Variants in RNF38 observed in about 807,000 individuals in gnomAD.
The protein encoded by RNF38 is ring finger protein 38.
Under a neutral mutation model 67.2 loss-of-function variants are expected in RNF38, and 15 were observed. That is an observed-to-expected ratio of 0.22 (90% confidence interval 0.15 to 0.34). The LOEUF (loss-of-function observed/expected upper bound fraction) is 0.34. Ranked by LOEUF, RNF38 falls within the 10% of genes least tolerant of loss-of-function variation. The pLI is 1.00. For synonymous variants in RNF38, 220 were observed against 218.8 expected (o/e 1.01, Z -0.05); for missense variants, 524 against 639.9 (o/e 0.82, Z 1.95).
Position 36,377,224 on chromosome 9 carries a change from T to C in RNF38, c.163-1097A>G, listed in dbSNP as rs557584219. Among the ~76,000 whole-genome samples the C allele has an allele frequency of 2.8e-3, 420 of 152,344 alleles. 2 individuals carry two copies. Among genetic ancestry groups the C allele is most frequent in the Admixed American group, 4.8e-3 (74 of 15,298 alleles). On this transcript the variant is annotated intron_variant, in intron 2 of 11. Transcript: ENST00000259605. ...TTTGATAAGGCTGTGTGTTTTCTAA[T>C]AGAACGTCTATCTCCAATCTATTAC...
intron 8 of RNF38, among the ~76,000 whole-genome samples, chr9:36,351,901 A>G (rs1181707279): frequency 6.6e-6 from 1 of 152,166 alleles, no homozygotes; most frequent in Non-Finnish European, 1.5e-5. Flanking sequence ...CTGAGAGGCC[A>G]CCTTAGATCT....
At chr9:36,376,577 A>G (rs1162001377) in intron 2 of RNF38, among the ~76,000 whole-genome samples, 6 of 152,076 alleles carry the variant, frequency 3.9e-5, no homozygotes, top group Admixed American at 6.6e-5. Context: ...ATTCTAAATC[A>G]CACTCCTCTC....
intron 2 of RNF38, among the ~76,000 whole-genome samples, chr9:36,409,216 G>A (rs1838256447): frequency 6.7e-6 from 1 of 148,888 alleles, no homozygotes; most frequent in South Asian, 2.1e-4. Context: ...AAGGGAGGGA[G>A]GGAAGGAGGG....
chr9:36,342,276 T>C, intron 11 of RNF38, 49 bp downstream of exon 11: 1 of 1,330,352 alleles, frequency 7.5e-7, no homozygotes, highest in South Asian at 1.2e-5. Flanking sequence ...CCATGGTCAA[T>C]AAAATAGAAA....
chr9:36,353,191 A>T lies in RNF38; in HGVS notation c.1050T>A (p.His350Gln). The part of the protein sequence containing the change: ...PLQFLTHDPL[H>Q]QEVSFGVPYP... ...TTACTACTCCAAAGGACACCTCCTG[A>T]TGCAAAGGATCATGTGTTAAGAACT... Residue 350 changes from histidine (H) to glutamine (Q), a missense_variant, in exon 7 of 12, where the codon CAT becomes CAA. By Grantham distance (24) the His-to-Gln change is conservative. Around this residue, in one of 2 missense-constraint regions of RNF38, gnomAD observed 461 missense variants for 517.4 expected, o/e 0.89. Coordinates refer to ENST00000259605, the MANE Select transcript of RNF38 (RefSeq NM_022781.5). The T allele has an allele frequency of 6.2e-7, 1 of 1,614,112 alleles. No homozygotes were observed. Among genetic ancestry groups the T allele is most frequent in the South Asian group, 1.1e-5 (1 of 91,084 alleles).
intron 1 of RNF38, among the ~76,000 whole-genome samples, chr9:36,443,195 T>C (rs1335001209): frequency 3.9e-5 from 6 of 152,212 alleles, no homozygotes; most frequent in African/African-American, 1.4e-4. Flanking sequence ...AGTGAAATAT[T>C]AAATGGATTG....
chr9:36,367,515 GTTA>G (rs1835069271), intron 4 of RNF38, among the ~76,000 whole-genome samples: 1 of 151,950 alleles, frequency 6.6e-6, no homozygotes, highest in Non-Finnish European at 1.5e-5. Flanking sequence ...TCAATATTAT[GTTA>G]TTCTTTTAAT....
chr9:36,414,367 T>C (rs560182029), intron 2 of RNF38, among the ~76,000 whole-genome samples: 331 of 152,332 alleles, frequency 2.2e-3, no homozygotes, highest in African/African-American at 7.7e-3. Context: ...AAGGAGGTTC[T>C]ATTTTGGTGT....
intron 2 of RNF38, among the ~76,000 whole-genome samples, chr9:36,388,986 G>GT (rs1013882013): frequency 6.6e-5 from 10 of 151,984 alleles, no homozygotes. Context: ...CTAGCTGAAG[G>GT]TATCAGTATC....
chr9:36,409,697 C>A (rs905827008), intron 2 of RNF38, among the ~76,000 whole-genome samples: 1 of 152,192 alleles, frequency 6.6e-6, no homozygotes, highest in African/African-American at 2.4e-5. Context: ...AGTGTTTCCA[C>A]TGATGATAGT....
chr9:36,375,803 T>C, intron 3 of RNF38, 131 bp downstream of exon 3: 1 of 764,412 alleles, frequency 1.3e-6, no homozygotes, highest in Non-Finnish European at 2.0e-6. Context: ...TTCTTTTTCG[T>C]GAGTGAATGT....
chr9:36,371,934 CTTT>C (rs1292005987), intron 3 of RNF38, among the ~76,000 whole-genome samples: 2 of 140,738 alleles, frequency 1.4e-5, no homozygotes, highest in Non-Finnish European at 3.1e-5. Context: ...TTTTTCTTTT[CTTT>C]TTTTTTTTTT....
chr9:36,484,855 T>C (rs928068281), intron 1 of RNF38, among the ~76,000 whole-genome samples: 2 of 152,334 alleles, frequency 1.3e-5, no homozygotes, highest in South Asian at 2.1e-4. Flanking sequence ...AATATTCAAC[T>C]GTATGGGTCT....
intron 2 of RNF38, among the ~76,000 whole-genome samples, chr9:36,380,300 A>G (rs944603667): frequency 4.6e-5 from 7 of 152,142 alleles, no homozygotes; most frequent in African/African-American, 1.7e-4. Context: ...CCTGGGTTCA[A>G]GCGATTCTCC....
intron 9 of RNF38, among the ~76,000 whole-genome samples, chr9:36,348,195 G>A (rs1177656289): frequency 1.3e-5 from 2 of 151,896 alleles, no homozygotes; most frequent in Non-Finnish European, 2.9e-5. Flanking sequence ...AAAGGCAAAG[G>A]CAAAGTTCGA....
chr9:36,463,776 C>A (rs1208967429), intron 1 of RNF38, among the ~76,000 whole-genome samples: 1 of 152,158 alleles, frequency 6.6e-6, no homozygotes, highest in Non-Finnish European at 1.5e-5. Context: ...TTTCCCTAAT[C>A]ATCTCTCTAA....
intron 3 of RNF38, among the ~76,000 whole-genome samples, chr9:36,373,823 G>C (rs1028001312): frequency 4.0e-5 from 6 of 151,562 alleles, no homozygotes; most frequent in Non-Finnish European, 7.4e-5. Context: ...TTTCGCTTTT[G>C]TTGCCTAGGC....
upstream of RNF38, among the ~76,000 whole-genome samples, chr9:36,405,138 G>A (rs1450231725): frequency 1.3e-5 from 2 of 152,170 alleles, no homozygotes; most frequent in Admixed American, 6.5e-5. Flanking sequence ...ATGGTGGCAC[G>A]TGGCTGTACT....
In RNF38 at chr9:36,338,693, T is replaced by C. The variant is rs1228631686; in HGVS notation, c.*1059A>G. On this transcript the variant is annotated 3_prime_UTR_variant, in exon 12 of 12. Transcript: ENST00000259605. Reference sequence around the variant, plus strand: ...TCAACAAGGTGAGACTTCATGGGACTAGTGGTCTTCTTAGAAATATATTAA... The same window carrying C: ...TCAACAAGGTGAGACTTCATGGGACCAGTGGTCTTCTTAGAAATATATTAA... The C allele has an allele frequency of 6.6e-6, 1 of 152,564 alleles. No individual in the cohort carries two copies. The highest frequency in any genetic ancestry group is 1.5e-5 in the Non-Finnish European group (1 of 68,032). The allele number at this position is 152,564 out of a possible 1,614,324, so 9.5% of individuals were successfully genotyped here. A position where few individuals can be genotyped will look rare whatever the true frequency, so the allele number is the denominator to read the frequency against.
Sources: allele counts gnomAD v4.1 joint callset (sites outside exome capture counted in the v4.1 genomes callset), GRCh38; gene constraint gnomAD v4.1.1; regional missense constraint gnomAD v4.1.1; transcripts MANE v1.5; gene names NCBI Gene and HGNC (gene_info 2026-07-23, HGNC 2026-07-21).